AGMO: variants seen among roughly 807,000 people sequenced by gnomAD.
AGMO encodes alkylglycerol monooxygenase.
AGMO carries 75 observed loss-of-function variants against 60.2 expected under a neutral mutation model. The ratio of observed to expected loss-of-function variants is 1.25; its 90% CI spans 1.03 to 1.51. The LOEUF is 1.51. AGMO is among the 40% of genes most tolerant of loss of function. The pLI, the probability that AGMO is intolerant of heterozygous loss-of-function variation, is 0.00. For missense variants in AGMO, 763 were observed against 525.5 expected, an observed-to-expected ratio of 1.45 and a Z score of -4.42; for synonymous variants, 261 against 177.1, an observed-to-expected ratio of 1.47 and a Z score of -3.76.
At chr7:15,453,359 G>A (rs192985858) in intron 3 of AGMO, among the ~76,000 whole-genome samples, 26 of 152,312 alleles carry the variant, frequency 1.7e-4, no homozygotes, top group Admixed American at 1.6e-3. Context: ...CTAAAACCAA[G>A]TCTATTCTAA....
chr7:15,376,822 T>C (rs756323624), intron 10 of AGMO, among the ~76,000 whole-genome samples: 8 of 152,046 alleles, frequency 5.3e-5, no homozygotes, highest in Non-Finnish European at 1.0e-4. Flanking sequence ...AAAATCAACA[T>C]AAAAGTCCGT....
chr7:15,188,268 C>T, the AGMO span, among the ~76,000 whole-genome samples: 5 of 152,112 alleles, frequency 3.3e-5, no homozygotes, highest in African/African-American at 1.2e-4. Context: ...GAGTAAACTG[C>T]TTAAGTCTCA....
intron 12 of AGMO, among the ~76,000 whole-genome samples, chr7:15,353,681 G>C (rs1782344308): frequency 6.6e-6 from 1 of 152,134 alleles, no homozygotes; most frequent in Non-Finnish European, 1.5e-5. Context: ...TATTAGTGTT[G>C]CTCAAAATAG....
In AGMO at chr7:15,342,172, T is replaced by TAAAAAAAAAAAAAAAAAAAAAA. The variant is rs775057626; in HGVS notation, c.1263+23320_1263+23341dup. ...AGCTGAGAGTAGATACCCACAGAGT[T>TAAAAAAAAAAAAAAAAAAAAAA]AAAAAAAAAAAAAAAAAAAAAAAAG... On this transcript the variant is annotated intron_variant, in intron 12 of 12. Transcript: ENST00000342526. Among the ~76,000 whole-genome samples, 10 of 54,304 alleles carry TAAAAAAAAAAAAAAAAAAAAAA rather than the reference T, an allele frequency of 1.8e-4. 1 individual carries two copies. The highest frequency in any genetic ancestry group is 6.5e-4 in the African/African-American group (7 of 10,746). The allele number at this position is 54,304 out of a possible 152,430, so 35.6% of individuals were successfully genotyped here. A position where few individuals can be genotyped will look rare whatever the true frequency, so the allele number is the denominator to read the frequency against.
At chr7:15,132,585 A>T in the AGMO span, among the ~76,000 whole-genome samples, 1 of 152,172 alleles carries the variant, frequency 6.6e-6, no homozygotes, top group African/African-American at 2.4e-5. Flanking sequence ...GTGACAGGGA[A>T]ATAATGGCCT....
intron 12 of AGMO, among the ~76,000 whole-genome samples, chr7:15,340,739 G>A (rs114157608): frequency 0.05 from 7,544 of 152,278 alleles, 274 homozygotes; most frequent in African/African-American, 0.099. Context: ...ACACCTGGTT[G>A]TCCAGGCAGA....
intron 12 of AGMO, among the ~76,000 whole-genome samples, chr7:15,247,578 A>G (rs1350182019): frequency 6.6e-6 from 1 of 152,104 alleles, no homozygotes; most frequent in Non-Finnish European, 1.5e-5. Context: ...GACAATCCTC[A>G]AACATACACA....
At chr7:15,529,026 GAC>G (rs1001439669) in intron 3 of AGMO, among the ~76,000 whole-genome samples, 27 of 152,024 alleles carry the variant, frequency 1.8e-4, no homozygotes, top group African/African-American at 6.5e-4. Context: ...CAACTTAAAA[GAC>G]ACAAAAAGAC....
intron 12 of AGMO, among the ~76,000 whole-genome samples, chr7:15,329,956 T>C (rs528249236): frequency 4.1e-4 from 63 of 152,182 alleles, no homozygotes; most frequent in African/African-American, 1.3e-3. Flanking sequence ...ATGAACAATA[T>C]GCAGATGCTG....
rs78577320 is a variant in AGMO, at chr7:15,350,911, T to C, written c.1263+14603A>G. Among the ~76,000 whole-genome samples, 1,325 of 152,274 alleles carry C rather than the reference T, an allele frequency of 8.7e-3. 25 individuals carry two copies. The highest frequency in any genetic ancestry group is 0.031 in the African/African-American group (1,268 of 41,558). ...TTTTGGAGAGACAGTAATTAAACATTGTTCAGTGTTGTTTCTCCTTGCTCT... is the reference window on the plus strand; with the variant it reads ...TTTTGGAGAGACAGTAATTAAACATCGTTCAGTGTTGTTTCTCCTTGCTCT... On this transcript the variant is annotated intron_variant, in intron 12 of 12. Transcript: ENST00000342526.
chr7:15,227,477 T>C (rs143850781), intron 12 of AGMO, among the ~76,000 whole-genome samples: 4 of 147,742 alleles, frequency 2.7e-5, no homozygotes, highest in African/African-American at 1.0e-4. Context: ...CGGTGACAAA[T>C]ATAAATTCTT....
chr7:15,249,289 TGAA>T (rs142039987), intron 12 of AGMO, among the ~76,000 whole-genome samples: 3,429 of 152,004 alleles, frequency 0.023, 114 homozygotes, highest in African/African-American at 0.079. Flanking sequence ...GGTTTAGGAG[TGAA>T]GAAGTAGCTG....
intron 12 of AGMO, among the ~76,000 whole-genome samples, chr7:15,235,233 T>C (rs963131060): frequency 1.2e-4 from 18 of 152,208 alleles, no homozygotes; most frequent in South Asian, 8.3e-4. Context: ...AACATGACTC[T>C]CACTGTATTG....
chr7:15,529,020 T>C (rs1784202864), intron 3 of AGMO, among the ~76,000 whole-genome samples: 1 of 152,050 alleles, frequency 6.6e-6, no homozygotes, highest in Admixed American at 6.6e-5. Flanking sequence ...TGGCATCAAC[T>C]TAAAAGACAC....
chr7:15,236,308 T>C (rs1782417254), intron 12 of AGMO, among the ~76,000 whole-genome samples: 1 of 152,122 alleles, frequency 6.6e-6, no homozygotes, highest in Non-Finnish European at 1.5e-5. Context: ...TTGTAAAAAC[T>C]ACATTTACAT....
chr7:15,486,905 A>G (rs1782937736), intron 3 of AGMO, among the ~76,000 whole-genome samples: 1 of 152,174 alleles, frequency 6.6e-6, no homozygotes. Context: ...CTGAGACAAA[A>G]CAAAGAACCA....
At chr7:15,193,734 G>C in the AGMO span, among the ~76,000 whole-genome samples, 1 of 152,208 alleles carries the variant, frequency 6.6e-6, no homozygotes, top group Non-Finnish European at 1.5e-5. Context: ...ATGCAACCAA[G>C]TTTGACAGAG....
chr7:15,174,950 T>C, the AGMO span, among the ~76,000 whole-genome samples: 2 of 152,030 alleles, frequency 1.3e-5, no homozygotes, highest in East Asian at 3.9e-4. Flanking sequence ...TAATGTTCAA[T>C]AGTTTGAATC....
the AGMO span, among the ~76,000 whole-genome samples, chr7:15,186,901 A>C: frequency 7.9e-5 from 12 of 152,172 alleles, no homozygotes; most frequent in South Asian, 2.1e-4. Flanking sequence ...GGCTTGGCTC[A>C]TATGGGAAAA....
Sources: allele counts gnomAD v4.1 joint callset (sites outside exome capture counted in the v4.1 genomes callset), GRCh38; gene constraint gnomAD v4.1.1; transcripts MANE v1.5; gene names NCBI Gene and HGNC (gene_info 2026-07-23, HGNC 2026-07-21).